ZNF266: variants seen among roughly 807,000 people sequenced by gnomAD.
The protein encoded by ZNF266 is zinc finger protein 266, also known as zinc finger protein 1.
A neutral mutation model predicts 16.4 loss-of-function variants in ZNF266; 16 were observed. The observed-to-expected ratio is 0.98, with a 90% CI of 0.66 to 1.48. The LOEUF is 1.48. Among genes scored for constraint, ZNF266 ranks in the 40% most tolerant of loss-of-function variants. The probability of loss-of-function intolerance (pLI) is 0.00; values close to 1 mark genes in which losing one functional copy is unlikely to be tolerated. For missense variants in ZNF266, 738 were observed against 689.1 expected, an observed-to-expected ratio of 1.07 and a Z score of -0.79; for synonymous variants, 262 against 237.9, an observed-to-expected ratio of 1.10 and a Z score of -0.93.
Position 9,417,957 on chromosome 19 carries a change from G to A in ZNF266, c.236-49C>T, listed in dbSNP as rs768920998. 6 of 1,556,716 alleles carry A rather than the reference G, an allele frequency of 3.9e-6. No homozygotes were observed. The Admixed American group carries it at 8.4e-5, about 22-fold the overall frequency. ...ACCAGAAGAGGCTCATGCAAGAGAT[G>A]ATAAATCTTTCCACAACTCAGGAGA... On this transcript the variant is annotated intron_variant, in intron 8 of 10. Transcript: ENST00000592904.
At chr19:9,422,694 C>A (rs953883351) in intron 5 of ZNF266, among the ~76,000 whole-genome samples, 2 of 152,170 alleles carry the variant, frequency 1.3e-5, no homozygotes, top group African/African-American at 4.8e-5. Flanking sequence ...CTCTAGTACC[C>A]GCTAAAAGTG....
At chr19:9,430,281 G>C (rs899934336) in intron 5 of ZNF266, among the ~76,000 whole-genome samples, 1 of 152,156 alleles carries the variant, frequency 6.6e-6, no homozygotes, top group African/African-American at 2.4e-5. Context: ...CTCCCGGCCA[G>C]AGTGCTTTAA....
intron 5 of ZNF266, among the ~76,000 whole-genome samples, chr19:9,431,606 G>A (rs2071602611): frequency 6.6e-6 from 1 of 152,210 alleles, no homozygotes; most frequent in Non-Finnish European, 1.5e-5. Flanking sequence ...TTCCAGGGCA[G>A]ACACGAACCA....
At position 9,413,343 on chromosome 19, in the gene ZNF266, C is replaced by A; in HGVS notation, c.1783G>T (p.Ala595Ser). ...CGAAAGGAACTGGAAGAACTGAAGG[C>A]TTTCCCGCACTCCTTACATTCATAG... ...KPYECKECGKAFSSSSSFRNH... is the reference protein window; with the variant it reads ...KPYECKECGKSFSSSSSFRNH... Residue 595 changes from alanine (A) to serine (S), a missense_variant, in exon 11 of 11, where the codon GCC becomes TCC. Ala to Ser is a moderately conservative substitution (Grantham distance 99). Transcript: ENST00000592904. The A allele has an allele frequency of 6.2e-7, 1 of 1,612,130 alleles. No individual in the cohort carries two copies. The highest frequency in any genetic ancestry group is 1.1e-5 in the South Asian group (1 of 90,764).
chr19:9,431,045 C>A (rs1197049224), intron 5 of ZNF266, among the ~76,000 whole-genome samples: 5 of 152,182 alleles, frequency 3.3e-5, no homozygotes, highest in Non-Finnish European at 2.9e-5. Context: ...CACCAGAACA[C>A]CTCTCCTCTT....
chr19:9,423,800 A>G (rs1050660956), intron 5 of ZNF266, among the ~76,000 whole-genome samples: 1 of 152,160 alleles, frequency 6.6e-6, no homozygotes, highest in Admixed American at 6.5e-5. Context: ...GTTCGTGACC[A>G]GCCCGGCCAA....
chr19:9,427,103 T>TG (rs1437031371), intron 5 of ZNF266, among the ~76,000 whole-genome samples: 1 of 151,998 alleles, frequency 6.6e-6, no homozygotes, highest in African/African-American at 2.4e-5. Flanking sequence ...AATGAAGGGG[T>TG]GATTATCCCT....
intron 7 of ZNF266, 180 bp from the exon 8 acceptor site, chr19:9,418,811 A>T (rs2069438149): frequency 2.0e-6 from 1 of 495,858 alleles, no homozygotes; most frequent in Non-Finnish European, 3.7e-6. Flanking sequence ...CTTCTTACAC[A>T]TGATTGTATG....
intron 5 of ZNF266, among the ~76,000 whole-genome samples, chr19:9,428,234 C>T (rs1452925337): frequency 6.6e-6 from 1 of 152,198 alleles, no homozygotes; most frequent in Non-Finnish European, 1.5e-5. Flanking sequence ...GCCCACTGTG[C>T]TCTAGGTCAG....
chr19:9,421,820 G>A (rs2069934041), intron 5 of ZNF266, among the ~76,000 whole-genome samples: 1 of 151,770 alleles, frequency 6.6e-6, no homozygotes, highest in Admixed American at 6.6e-5. Context: ...TACACACATT[G>A]AACTTTCCTA....
Position 9,414,173 on chromosome 19 carries a change from C to G in ZNF266, c.953G>C (p.Arg318Thr), listed in dbSNP as rs775333623. 6.2e-7 allele frequency: 1 copy of G among 1,612,870 alleles called. No individual in the cohort carries two copies. The highest frequency in any genetic ancestry group is 8.5e-7 in the Non-Finnish European group (1 of 1,179,582). The change falls in exon 11 of 11, where the codon AGG becomes ACG. Residue 318 changes from arginine to threonine, a missense_variant. Arg to Thr is a moderately conservative substitution (Grantham distance 71, BLOSUM62 -1). Coordinates refer to ENST00000592904, the MANE Select transcript of ZNF266 (RefSeq NM_001370374.1). Reference sequence around the variant, plus strand: ...TCTGTGCTGAGTAAGTTGACAAGACCTGGTGAAGGCTTTCCCACACTCCTT... The same window carrying G: ...TCTGTGCTGAGTAAGTTGACAAGACGTGGTGAAGGCTTTCCCACACTCCTT... ...ECKECGKAFT[R>T]SCQLTQHRKT...
At chr19:9,426,656 G>A (rs915332387) in intron 5 of ZNF266, among the ~76,000 whole-genome samples, 1 of 152,018 alleles carries the variant, frequency 6.6e-6, no homozygotes, top group Non-Finnish European at 1.5e-5. Context: ...CATGAGACAT[G>A]GGGAAAAAAA....
intron 5 of ZNF266, among the ~76,000 whole-genome samples, chr19:9,425,478 G>A (rs1031856214): frequency 4.6e-5 from 7 of 152,216 alleles, no homozygotes; most frequent in Non-Finnish European, 8.8e-5. Flanking sequence ...CAGAGAGAGA[G>A]AGACCCCCTA....
At chr19:9,423,981 A>G (rs2070325743) in intron 5 of ZNF266, among the ~76,000 whole-genome samples, 1 of 152,204 alleles carries the variant, frequency 6.6e-6, no homozygotes, top group Non-Finnish European at 1.5e-5. Context: ...TGGGCGACAG[A>G]GCAAGACTCC....
chr19:9,435,547 C>T lies in ZNF266; in HGVS notation c.-821G>A, dbSNP rs2072338387. 6.6e-6 allele frequency: 1 copy of T among 152,244 alleles called. No individual in the cohort carries two copies. The highest frequency in any genetic ancestry group is 2.4e-5 in the African/African-American group (1 of 41,450). 9.4% of individuals were successfully genotyped at this position (152,244 alleles called of 1,614,324 possible). ...ACCAGGAAGAAAACGGGTTTGGCGG[C>T]GCGGAGAAAGCGCCGGAAAACACAG... On this transcript the variant is annotated 5_prime_UTR_variant, in exon 1 of 11. Transcript: ENST00000592904.
At chr19:9,432,234 C>T (rs572158927) in intron 5 of ZNF266, among the ~76,000 whole-genome samples, 2 of 152,352 alleles carry the variant, frequency 1.3e-5, no homozygotes, top group South Asian at 4.1e-4. Flanking sequence ...GTTGGGATTA[C>T]AGGCGTGAGC....
chr19:9,420,905 T>G (rs1234372408), intron 5 of ZNF266, among the ~76,000 whole-genome samples: 3 of 152,196 alleles, frequency 2.0e-5, no homozygotes, highest in African/African-American at 7.2e-5. Flanking sequence ...TGGCTGCTCT[T>G]ACTTTCCCAC....
intron 5 of ZNF266, 142 bp downstream of exon 5, chr19:9,433,526 T>C (rs1201547813): frequency 2.6e-5 from 4 of 152,230 alleles, no homozygotes; most frequent in Non-Finnish European, 5.9e-5. Flanking sequence ...CATCAGTGAA[T>C]TTTCATGGAG....
At chr19:9,425,993 TA>T (rs1029499403) in intron 5 of ZNF266, among the ~76,000 whole-genome samples, 14 of 152,122 alleles carry the variant, frequency 9.2e-5, no homozygotes, top group African/African-American at 3.4e-4. Context: ...ACTGTATGGA[TA>T]AGCAGTACAG....
Sources: allele counts gnomAD v4.1 joint callset (sites outside exome capture counted in the v4.1 genomes callset), GRCh38; gene constraint gnomAD v4.1.1; transcripts MANE v1.5; gene names NCBI Gene and HGNC (gene_info 2026-07-23, HGNC 2026-07-21).